Variants in IFITM5 observed in about 807,000 individuals in gnomAD.
IFITM5 encodes the protein interferon-induced transmembrane protein 5.
Under a neutral mutation model 9.2 loss-of-function variants are expected in IFITM5, and 10 were observed. That is an observed-to-expected ratio of 1.09 (90% CI 0.67 to 1.85). The LOEUF (loss-of-function observed/expected upper bound fraction) is 1.85, where lower values mean the gene tolerates loss of function less well. Ranked by LOEUF, IFITM5 falls within the 40% of genes most tolerant of loss-of-function variation. The probability of loss-of-function intolerance (pLI) is 0.00; values close to 1 mark genes in which losing one functional copy is unlikely to be tolerated. For synonymous variants in IFITM5, 93 were observed against 86.6 expected (o/e 1.07, Z -0.41); for missense variants, 225 against 182.6 (o/e 1.23, Z -1.34).
intron 1 of IFITM5, 28 bp downstream of exon 1, chr11:299,277 C>T (rs769774115): frequency 1.9e-6 from 3 of 1,541,690 alleles, no homozygotes; most frequent in Non-Finnish European, 2.6e-6. Flanking sequence ...GGAGCCTCCC[C>T]CGCAACCTCG....
chr11:299,454 G>A lies in IFITM5; in HGVS notation c.37C>T (p.Pro13Ser), dbSNP rs373575422. The change falls in exon 1 of 2, where the codon CCC becomes TCC. Residue 13 changes from proline (P) to serine (S), a missense_variant. Pro to Ser is a moderately conservative substitution (Grantham distance 74). Transcript: ENST00000382614. ...TAYPREDTRA[P>S]TPSKAGAHTA... ...TGGGCACCGGCCTTGCTGGGCGTGG[G>A]GGCCCGGGTGTCCTCGCGGGGATAC... 2.0e-5 allele frequency: 31 copies of A among 1,520,924 alleles called. No homozygotes were observed. The highest frequency in any genetic ancestry group is 1.8e-4 in the Middle Eastern group (1 of 5,586). 94.2% of individuals were successfully genotyped at this position (1,520,924 alleles called of 1,614,324 possible). A position where few individuals can be genotyped will look rare whatever the true frequency, so the allele number is the denominator to read the frequency against.
In IFITM5 at chr11:299,447, G is replaced by A. The variant is rs770142605; in HGVS notation, c.44C>T (p.Pro15Leu). The stretch of plus-strand genomic sequence containing the variant: ...GGCTGTGTGGGCACCGGCCTTGCTG[G>A]GCGTGGGGGCCCGGGTGTCCTCGCG... Reference protein sequence around the residue: ...YPREDTRAPTPSKAGAHTALT... With the variant: ...YPREDTRAPTLSKAGAHTALT... Residue 15 changes from proline (P) to leucine (L), a missense_variant, in exon 1 of 2, where the codon CCC becomes CTC. Transcript: ENST00000382614. The A allele has an allele frequency of 6.5e-7, 1 of 1,528,500 alleles. No homozygotes were observed. Among genetic ancestry groups the A allele is most frequent in the Non-Finnish European group, 8.8e-7 (1 of 1,137,858 alleles). The allele number at this position is 1,528,500 out of a possible 1,614,324, so 94.7% of individuals were successfully genotyped here.
chr11:298,237 G>T lies in IFITM5; in HGVS notation c.*264C>A. 1.8e-6 allele frequency: 1 copy of T among 541,054 alleles called. No homozygotes were observed. The highest frequency in any genetic ancestry group is 3.3e-6 in the Non-Finnish European group (1 of 300,898). The allele number at this position is 541,054 out of a possible 1,614,324, so 33.5% of individuals were successfully genotyped here. ...GGCACTTTTAATCGTGGAACCGAGG[G>T]GCCTGGAGTGTGAGGAGGGAGGGGC... On this transcript the variant is annotated 3_prime_UTR_variant, in exon 2 of 2. Coordinates refer to ENST00000382614, the MANE Select transcript of IFITM5 (RefSeq NM_001025295.3).
chr11:299,138 G>C (rs999499736), intron 1 of IFITM5, among the ~76,000 whole-genome samples, 167 bp downstream of exon 1: 1 of 148,410 alleles, frequency 6.7e-6, no homozygotes, highest in African/African-American at 2.5e-5. Flanking sequence ...GCTCTTTCCC[G>C]GCCATACTGA....
In IFITM5 at chr11:299,278, C is replaced by G. The variant is rs775225752; in HGVS notation, c.186+27G>C. 18 of 1,543,570 alleles carry G rather than the reference C, an allele frequency of 1.2e-5. No homozygotes were observed. In the African/African-American group the frequency reaches 1.5e-4, roughly 13 times the overall value. ...CTTGATGGAGTAGTGGAGCCTCCCC[C>G]GCAACCTCGGTAGGGCCCCTGCCCA... On this transcript the variant is annotated intron_variant, in intron 1 of 1. Coordinates refer to ENST00000382614, the MANE Select transcript of IFITM5 (RefSeq NM_001025295.3).
chr11:298,910 A>G (rs1047454773), intron 1 of IFITM5, among the ~76,000 whole-genome samples, 197 bp from the exon 2 acceptor site: 8 of 152,150 alleles, frequency 5.3e-5, no homozygotes, highest in Non-Finnish European at 1.2e-4. Flanking sequence ...TCAGCCTATC[A>G]GAGCTCTCTA....
In IFITM5 at chr11:298,425, G is replaced by A. The variant is rs1261539010; in HGVS notation, c.*76C>T. Reference sequence around the variant, plus strand: ...CAGAAGGAGGGCCAGGCTCCGGGGAGTCAGTATTGGGCCCCAGGGGCAGCA... The same window carrying A: ...CAGAAGGAGGGCCAGGCTCCGGGGAATCAGTATTGGGCCCCAGGGGCAGCA... On this transcript the variant is annotated 3_prime_UTR_variant, in exon 2 of 2. Coordinates refer to ENST00000382614, the MANE Select transcript of IFITM5 (RefSeq NM_001025295.3). 1.4e-6 allele frequency: 2 copies of A among 1,475,970 alleles called. No homozygotes were observed. Among genetic ancestry groups the A allele is most frequent in the Non-Finnish European group, 1.8e-6 (2 of 1,085,016 alleles). 91.4% of individuals were successfully genotyped at this position (1,475,970 alleles called of 1,614,324 possible). A position where few individuals can be genotyped will look rare whatever the true frequency, so the allele number is the denominator to read the frequency against.
In IFITM5 at chr11:299,219, C is replaced by CA. The variant is rs920507194; in HGVS notation, c.186+85dup. The CA allele has an allele frequency of 2.9e-4, 302 of 1,037,372 alleles. 2 individuals carry two copies. The highest frequency in any genetic ancestry group is 4.1e-4 in the South Asian group (24 of 58,622). 64.3% of individuals were successfully genotyped at this position (1,037,372 alleles called of 1,614,324 possible). ...GGCCCCCAGCACGGCAAGGACCCCC[C>CA]ACGGAGCTCCCCATCCCTCCCCCTT... On this transcript the variant is annotated intron_variant, in intron 1 of 1. Transcript: ENST00000382614.
intron 1 of IFITM5, among the ~76,000 whole-genome samples, chr11:299,102 GC>G (rs992650435): frequency 2.6e-5 from 4 of 151,780 alleles, no homozygotes; most frequent in Admixed American, 2.6e-4. Flanking sequence ...TTAAGAAGAG[GC>G]CCCCCGGCCT....
chr11:299,525 G>C lies in IFITM5; in HGVS notation c.-35C>G. The C allele has an allele frequency of 1.4e-6, 2 of 1,427,574 alleles. No homozygotes were observed. The highest frequency in any genetic ancestry group is 2.7e-5 in the East Asian group (1 of 36,492). 88.4% of individuals were successfully genotyped at this position (1,427,574 alleles called of 1,614,324 possible). On this transcript the variant is annotated 5_prime_UTR_variant, in exon 1 of 2. Coordinates refer to ENST00000382614, the MANE Select transcript of IFITM5 (RefSeq NM_001025295.3). ...CGCCGTCTCTTCCACACTCAGACTG[G>C]TGCTGGGAGGGTGGGCACCCGCTCA...
Position 298,593 on chromosome 11 carries a change from G to A in IFITM5, c.307C>T (p.Leu103=), listed in dbSNP as rs376011910. The A allele has an allele frequency of 6.2e-7, 1 of 1,613,530 alleles. No homozygotes were observed. The highest frequency in any genetic ancestry group is 8.5e-7 in the Non-Finnish European group (1 of 1,180,020). ...AGGTGCAGGGCACCAGTCACCACCA[G>A]CCCCAGGAGCAGCAGTGGCGGCACC... ...TLVPPLLLLG[L]VVTGALHLAR... is the part of the protein sequence containing the mutation. The change falls in exon 2 of 2, where the codon CTG becomes TTG. Residue 103 remains leucine, a synonymous_variant. Transcript: ENST00000382614.
chr11:299,503 C>A lies in IFITM5; in HGVS notation c.-13G>T. On this transcript the variant is annotated 5_prime_UTR_variant, in exon 1 of 2. Coordinates refer to ENST00000382614, the MANE Select transcript of IFITM5 (RefSeq NM_001025295.3). ...ACGCCGTGTCCATGGGTTCCAGCGC[C>A]GTCTCTTCCACACTCAGACTGGTGC... 1 of 1,458,578 alleles carries A rather than the reference C, an allele frequency of 6.9e-7. No homozygotes were observed. The highest frequency in any genetic ancestry group is 2.4e-4 in the Middle Eastern group (1 of 4,226). 90.4% of individuals were successfully genotyped at this position (1,458,578 alleles called of 1,614,324 possible).
At position 298,513 on chromosome 11, in the gene IFITM5, C is replaced by T. The variant is rs369240673; in HGVS notation, c.387G>A (p.Ala129=). ...AAFFSTKFDD[A]DYD The stretch of plus-strand genomic sequence containing the variant: ...AGGACCCAGCCTGTCAGTCATAGTC[C>T]GCGTCATCAAACTTGGTGCTGAAGA... Residue 129 remains alanine (A), a synonymous_variant, in exon 2 of 2, where the codon GCG becomes GCA. Coordinates refer to ENST00000382614, the MANE Select transcript of IFITM5 (RefSeq NM_001025295.3). 5.1e-5 allele frequency: 82 copies of T among 1,611,088 alleles called. No homozygotes were observed. The highest frequency in any genetic ancestry group is 6.6e-5 in the South Asian group (6 of 90,888).
rs1195648399 is a variant in IFITM5, at chr11:298,466, C to A, written c.*35G>T. 5 of 1,590,972 alleles carry A rather than the reference C, an allele frequency of 3.1e-6. No individual in the cohort carries two copies. Among genetic ancestry groups the A allele is most frequent in the Non-Finnish European group, 3.4e-6 (4 of 1,168,884 alleles). On this transcript the variant is annotated 3_prime_UTR_variant, in exon 2 of 2. Coordinates refer to ENST00000382614, the MANE Select transcript of IFITM5 (RefSeq NM_001025295.3). ...AGGGGCAGCAGCCTGGGGTCAGTGT[C>A]CTGGGGCTAGTGCCCCAGATCAGGA...
Position 299,502 on chromosome 11 carries a change from C to T in IFITM5, c.-12G>A. 4 of 1,459,828 alleles carry T rather than the reference C, an allele frequency of 2.7e-6. No homozygotes were observed. Among genetic ancestry groups the T allele is most frequent in the Non-Finnish European group, 3.6e-6 (4 of 1,104,964 alleles). The allele number at this position is 1,459,828 out of a possible 1,614,324, so 90.4% of individuals were successfully genotyped here. A position where few individuals can be genotyped will look rare whatever the true frequency, so the allele number is the denominator to read the frequency against. ...TACGCCGTGTCCATGGGTTCCAGCG[C>T]CGTCTCTTCCACACTCAGACTGGTG... On this transcript the variant is annotated 5_prime_UTR_variant, in exon 1 of 2. Coordinates refer to ENST00000382614, the MANE Select transcript of IFITM5 (RefSeq NM_001025295.3).
intron 1 of IFITM5, 45 bp from the exon 2 acceptor site, chr11:298,758 G>T (rs2293745): frequency 6.4e-7 from 1 of 1,560,484 alleles, no homozygotes; most frequent in Non-Finnish European, 8.7e-7. Context: ...ATGTGTCCTC[G>T]GGGCCTGGGG....
rs1845893553 is a variant in IFITM5, at chr11:298,680, C to A, written c.220G>T (p.Ala74Ser). 6.2e-7 allele frequency: 1 copy of A among 1,613,514 alleles called. No individual in the cohort carries two copies. Among genetic ancestry groups the A allele is most frequent in the Non-Finnish European group, 8.5e-7 (1 of 1,179,972 alleles). Residue 74 changes from alanine to serine, a missense_variant, in exon 2 of 2, where the codon GCG becomes TCG. Physicochemically the swap from Ala to Ser is moderately conservative, Grantham distance 99. Coordinates refer to ENST00000382614, the MANE Select transcript of IFITM5 (RefSeq NM_001025295.3). ...RDQKVVGDLE[A>S]ARRFGSKAKC... The stretch of plus-strand genomic sequence containing the variant: ...GCTTTGGAGCCAAAACGCCGGGCCG[C>A]TTCCAGGTCACCAACCACCTTCTGA...
At chr11:298,914 C>T (rs1221243242) in intron 1 of IFITM5, among the ~76,000 whole-genome samples, 1 of 152,166 alleles carries the variant, frequency 6.6e-6, no homozygotes, top group African/African-American at 2.4e-5. Context: ...CCTATCAGAG[C>T]TCTCTATGGG....
In IFITM5 at chr11:298,605, G is replaced by A. The variant is rs1200000939; in HGVS notation, c.295C>T (p.Leu99=). ...CCAGTCACCACCAGCCCCAGGAGCA[G>A]CAGTGGCGGCACCAGCGTCCACATC... ...AAMWTLVPPL[L]LLGLVVTGAL... is the part of the protein sequence containing the mutation. Residue 99 remains leucine (L), a synonymous_variant, in exon 2 of 2, where the codon CTG becomes TTG. Transcript: ENST00000382614. 1 of 1,613,474 alleles carries A rather than the reference G, an allele frequency of 6.2e-7. No homozygotes were observed. Among genetic ancestry groups the A allele is most frequent in the Admixed American group, 1.7e-5 (1 of 59,892 alleles).
Sources: allele counts gnomAD v4.1 joint callset (sites outside exome capture counted in the v4.1 genomes callset), GRCh38; gene constraint gnomAD v4.1.1; transcripts MANE v1.5; gene names NCBI Gene and HGNC (gene_info 2026-07-23, HGNC 2026-07-21).